The following ANKS1B variants were observed in gnomAD, a reference collection of about 807,000 sequenced individuals.
The protein encoded by ANKS1B is ankyrin repeat and sterile alpha motif domain-containing protein 1B.
A neutral mutation model predicts 148.3 loss-of-function variants in ANKS1B; 36 were observed. The ratio of observed to expected loss-of-function variants is 0.24; its 90% confidence interval spans 0.19 to 0.32. The LOEUF (loss-of-function observed/expected upper bound fraction) is 0.32. ANKS1B is among the 10% of genes least tolerant of loss of function. The pLI, the probability that ANKS1B is intolerant of heterozygous loss-of-function variation, is 1.00. For synonymous variants in ANKS1B, 542 were observed against 560.8 expected, an observed-to-expected ratio of 0.97 and a Z score of 0.47; for missense variants, 1,157 against 1,542.6, an observed-to-expected ratio of 0.75 and a Z score of 4.19.
intron 26 of ANKS1B, among the ~76,000 whole-genome samples, chr12:98,750,930 G>A (rs1206978831): frequency 6.6e-6 from 1 of 152,236 alleles, no homozygotes. Context: ...TCTAGCTGGG[G>A]ACCGAGGACA....
At chr12:99,443,408 A>C (rs1373146283) in intron 11 of ANKS1B, among the ~76,000 whole-genome samples, 1 of 151,984 alleles carries the variant, frequency 6.6e-6, no homozygotes, top group South Asian at 2.1e-4. Context: ...TTGTGAGAGA[A>C]AAATGATGTA....
chr12:99,676,382 C>G (rs1376193283), intron 8 of ANKS1B, among the ~76,000 whole-genome samples: 1 of 152,054 alleles, frequency 6.6e-6, no homozygotes, highest in East Asian at 1.9e-4. Context: ...TCATACATAT[C>G]CTATTTTCCA....
Position 98,744,501 on chromosome 12 carries a change from C to CTGTT in ANKS1B, c.*1234_*1237dup. 1 of 590,142 alleles carries CTGTT rather than the reference C, an allele frequency of 1.7e-6. No individual in the cohort carries two copies. The highest frequency in any genetic ancestry group is 2.1e-6 in the Non-Finnish European group (1 of 469,318). 36.6% of individuals were successfully genotyped at this position (590,142 alleles called of 1,614,324 possible). On this transcript the variant is annotated 3_prime_UTR_variant, in exon 27 of 27. Coordinates refer to ENST00000683438, the MANE Select transcript of ANKS1B (RefSeq NM_001352186.2). ...ATTTTTTTCTATAATGATATTGGTA[C>CTGTT]TGTTTATATAATTTGATTCTACATA... is the stretch of plus-strand genomic sequence containing the variant.
intron 8 of ANKS1B, among the ~76,000 whole-genome samples, chr12:99,665,647 C>T (rs1228932670): frequency 2.0e-5 from 3 of 152,014 alleles, no homozygotes; most frequent in Non-Finnish European, 4.4e-5. Flanking sequence ...CCACCACGCC[C>T]GGCTAATTTT....
At chr12:99,831,494 A>T (rs1275719033) in intron 1 of ANKS1B, among the ~76,000 whole-genome samples, 1 of 152,226 alleles carries the variant, frequency 6.6e-6, no homozygotes, top group African/African-American at 2.4e-5. Context: ...ATTTAGCTAT[A>T]AAAATATTTA....
At chr12:99,719,674 C>T (rs1047887372) in intron 8 of ANKS1B, among the ~76,000 whole-genome samples, 20 of 152,158 alleles carry the variant, frequency 1.3e-4, no homozygotes, top group African/African-American at 4.8e-4. Context: ...AATATGCCTT[C>T]CATATTCTGC....
chr12:99,109,917 G>C (rs2059961035), intron 15 of ANKS1B, among the ~76,000 whole-genome samples: 2 of 152,230 alleles, frequency 1.3e-5, no homozygotes, highest in South Asian at 2.1e-4. Context: ...TTAAGATGAG[G>C]AAAGGAAAGC....
intron 17 of ANKS1B, among the ~76,000 whole-genome samples, chr12:99,022,149 T>C (rs549527904): frequency 2.1e-4 from 32 of 152,324 alleles, no homozygotes; most frequent in African/African-American, 7.5e-4. Context: ...TCCCCATCTC[T>C]CAGTTGTTTT....
At chr12:99,586,144 T>C (rs1487667017) in intron 9 of ANKS1B, among the ~76,000 whole-genome samples, 2 of 152,186 alleles carry the variant, frequency 1.3e-5, no homozygotes, top group African/African-American at 4.8e-5. Context: ...TTCCAAACCA[T>C]GTCTCTGTGA....
At chr12:99,416,704 A>G in intron 11 of ANKS1B, among the ~76,000 whole-genome samples, 1 of 152,142 alleles carries the variant, frequency 6.6e-6, no homozygotes, top group East Asian at 1.9e-4. Context: ...TTATTTTTAT[A>G]CTATTGAGTT....
chr12:99,282,098 G>C (rs1302575691), intron 12 of ANKS1B, among the ~76,000 whole-genome samples: 1 of 152,132 alleles, frequency 6.6e-6, no homozygotes, highest in Non-Finnish European at 1.5e-5. Flanking sequence ...AGGAAGATGG[G>C]TGTGTTGTGA....
At chr12:98,851,921 G>A (rs2099529389) in intron 17 of ANKS1B, among the ~76,000 whole-genome samples, 1 of 150,608 alleles carries the variant, frequency 6.6e-6, no homozygotes. Flanking sequence ...CTACCCAGGA[G>A]GCTGAAGCAG....
intron 14 of ANKS1B, chr12:99,155,059 T>C: frequency 6.5e-7 from 1 of 1,534,894 alleles, no homozygotes; most frequent in Non-Finnish European, 8.7e-7. Flanking sequence ...TGCTTAAATC[T>C]GAATTGAATC....
At chr12:99,659,434 T>G (rs1343329325) in intron 8 of ANKS1B, among the ~76,000 whole-genome samples, 2 of 152,148 alleles carry the variant, frequency 1.3e-5, no homozygotes, top group Non-Finnish European at 2.9e-5. Flanking sequence ...CTATACAGTT[T>G]GAACCCATTA....
At chr12:98,877,640 TTGA>T (rs1180497839) in intron 17 of ANKS1B, among the ~76,000 whole-genome samples, 2 of 152,222 alleles carry the variant, frequency 1.3e-5, no homozygotes, top group Non-Finnish European at 2.9e-5. Flanking sequence ...GAACGTAGTT[TTGA>T]TTTTGTTTGC....
intron 1 of ANKS1B, among the ~76,000 whole-genome samples, chr12:99,932,000 G>A (rs7133661): frequency 0.63 from 95,228 of 151,882 alleles, 31,399 homozygotes; most frequent in African/African-American, 0.77. Context: ...TTTAGCTTCA[G>A]CAAATGAGTG....
At chr12:99,798,435 A>AC (rs71088156) in intron 4 of ANKS1B, among the ~76,000 whole-genome samples, 9 of 149,070 alleles carry the variant, frequency 6.0e-5, no homozygotes, top group East Asian at 3.9e-4. Flanking sequence ...AAAAAAAAAA[A>AC]AAAAAAAACA....
chr12:99,956,097 G>A (rs972515131), intron 1 of ANKS1B, among the ~76,000 whole-genome samples: 3 of 151,916 alleles, frequency 2.0e-5, no homozygotes, highest in African/African-American at 7.3e-5. Context: ...TGGACAACAT[G>A]GTGAAACCTG....
intron 12 of ANKS1B, among the ~76,000 whole-genome samples, chr12:99,397,118 T>C (rs565654752): frequency 6.6e-6 from 1 of 152,268 alleles, no homozygotes; most frequent in East Asian, 1.9e-4. Context: ...GCTCACTGAA[T>C]GAATGCTAGG....
Sources: allele counts gnomAD v4.1 joint callset (sites outside exome capture counted in the v4.1 genomes callset), GRCh38; gene constraint gnomAD v4.1.1; transcripts MANE v1.5; gene names NCBI Gene and HGNC (gene_info 2026-07-23, HGNC 2026-07-21).